Variants in COL21A1 observed in about 807,000 individuals in gnomAD.
The protein encoded by COL21A1 is collagen type XXI alpha 1 chain.
In COL21A1, 149 loss-of-function variants were observed where a neutral mutation model predicts 137.9. The observed-to-expected ratio is 1.08, with a 90% CI of 0.95 to 1.24. COL21A1 has a LOEUF of 1.24. Ranked by LOEUF, COL21A1 falls within the 50% of genes most tolerant of loss-of-function variation. The probability of loss-of-function intolerance (pLI) is 0.00; values close to 1 mark genes in which losing one functional copy is unlikely to be tolerated. For synonymous variants in COL21A1, 456 were observed against 391.5 expected, an observed-to-expected ratio of 1.16 and a Z score of -1.95; for missense variants, 1,167 against 1,158.4, an observed-to-expected ratio of 1.01 and a Z score of -0.11.
intron 1 of COL21A1, among the ~76,000 whole-genome samples, chr6:56,322,460 A>G (rs1764891988): frequency 6.6e-6 from 1 of 152,132 alleles, no homozygotes; most frequent in Admixed American, 6.6e-5. Context: ...TTTCCAGGAG[A>G]TTGTCAAATC....
rs548209532 is a variant in COL21A1, at chr6:56,083,559, A to G, written c.1813-5986T>C. 5.3e-5 allele frequency among the ~76,000 whole-genome samples: 8 copies of G among 152,128 alleles called. 1 individual carries two copies. The East Asian group carries it at 1.5e-3, about 29-fold the overall frequency. On this transcript the variant is annotated intron_variant, in intron 17 of 29. Coordinates refer to ENST00000244728, the MANE Select transcript of COL21A1 (RefSeq NM_030820.4). ...TGGAAAGTACCAGGTTCCAGGGATT[A>G]AATTATGGCTATCTTTGGGGAGAGG...
chr6:56,334,142 T>C (rs540740625), intron 1 of COL21A1, among the ~76,000 whole-genome samples: 1 of 152,192 alleles, frequency 6.6e-6, no homozygotes, highest in East Asian at 1.9e-4. Context: ...TCAACAGAAT[T>C]TGGGTCCTTT....
chr6:56,072,234 C>A (rs1410030587), intron 20 of COL21A1, among the ~76,000 whole-genome samples: 1 of 151,366 alleles, frequency 6.6e-6, no homozygotes, highest in East Asian at 1.9e-4. Flanking sequence ...CATTCCATGT[C>A]TTTTCTATTG....
intron 1 of COL21A1, among the ~76,000 whole-genome samples, chr6:56,277,756 A>T (rs1039345659): frequency 6.6e-6 from 1 of 152,212 alleles, no homozygotes; most frequent in Non-Finnish European, 1.5e-5. Flanking sequence ...GCAAATACTA[A>T]ATAAATTACA....
chr6:56,098,582 T>A (rs1237874784), intron 17 of COL21A1, among the ~76,000 whole-genome samples: 1 of 45,270 alleles, frequency 2.2e-5, no homozygotes, highest in Non-Finnish European at 3.5e-5. Context: ...TATAAATATA[T>A]ATAAATATAT....
At chr6:56,372,438 T>A (rs1466736767) in intron 1 of COL21A1, among the ~76,000 whole-genome samples, 2 of 152,194 alleles carry the variant, frequency 1.3e-5, no homozygotes, top group Non-Finnish European at 2.9e-5. Context: ...CTTGTCCATG[T>A]GTCAACGCAT....
intron 7 of COL21A1, among the ~76,000 whole-genome samples, chr6:56,166,113 T>A (rs1310493104): frequency 6.6e-6 from 1 of 152,008 alleles, no homozygotes; most frequent in Non-Finnish European, 1.5e-5. Flanking sequence ...ACTGACACTT[T>A]GAGAAAAAGT....
At chr6:56,193,977 T>C (rs1778864744) in intron 1 of COL21A1, among the ~76,000 whole-genome samples, 1 of 152,108 alleles carries the variant, frequency 6.6e-6, no homozygotes, top group African/African-American at 2.4e-5. Context: ...ATGGTCTTGA[T>C]TTCTTGATCT....
At chr6:56,206,686 A>G (rs1196404932) in intron 1 of COL21A1, among the ~76,000 whole-genome samples, 1 of 23,646 alleles carries the variant, frequency 4.2e-5, no homozygotes, top group Non-Finnish European at 8.5e-5. Context: ...AACAAAATAA[A>G]TAAATAAATA....
At chr6:56,117,786 G>A (rs1355431088) in intron 16 of COL21A1, among the ~76,000 whole-genome samples, 2 of 151,770 alleles carry the variant, frequency 1.3e-5, no homozygotes, top group African/African-American at 4.8e-5. Flanking sequence ...AGGTATTTTG[G>A]AAACTATACA....
chr6:56,318,393 T>C (rs1367299870), intron 1 of COL21A1, among the ~76,000 whole-genome samples: 1 of 152,122 alleles, frequency 6.6e-6, no homozygotes, highest in Non-Finnish European at 1.5e-5. Flanking sequence ...CAATTGGACT[T>C]CCTAGTGCAC....
intron 1 of COL21A1, among the ~76,000 whole-genome samples, chr6:56,228,288 T>C (rs1582689573): frequency 6.6e-6 from 1 of 151,718 alleles, no homozygotes; most frequent in Non-Finnish European, 1.5e-5. Context: ...ATGGCAGCAG[T>C]CAAATGAGAG....
intron 17 of COL21A1, among the ~76,000 whole-genome samples, chr6:56,080,370 T>G (rs998210503): frequency 2.6e-5 from 4 of 151,682 alleles, no homozygotes; most frequent in African/African-American, 7.3e-5. Context: ...AATGTTGTGG[T>G]TAAAGAATGT....
intron 16 of COL21A1, among the ~76,000 whole-genome samples, chr6:56,122,970 C>G (rs1384674817): frequency 6.6e-6 from 1 of 152,332 alleles, no homozygotes; most frequent in Admixed American, 6.5e-5. Context: ...TCTCTAAGCT[C>G]TCCTGCCTCC....
intron 1 of COL21A1, among the ~76,000 whole-genome samples, chr6:56,218,008 C>A (rs1236819017): frequency 1.3e-5 from 2 of 152,110 alleles, no homozygotes; most frequent in East Asian, 3.9e-4. Flanking sequence ...TCAAGAGCTT[C>A]ACATATTATG....
At chr6:56,335,576 C>T (rs1447252014) in intron 1 of COL21A1, among the ~76,000 whole-genome samples, 1 of 152,184 alleles carries the variant, frequency 6.6e-6, no homozygotes, top group African/African-American at 2.4e-5. Flanking sequence ...TTCTAGTTAG[C>T]CTTCTTACAG....
intron 1 of COL21A1, among the ~76,000 whole-genome samples, chr6:56,350,254 G>A (rs1765682211): frequency 6.6e-6 from 1 of 152,122 alleles, no homozygotes; most frequent in Admixed American, 6.5e-5. Context: ...AACTTAGCAG[G>A]GTCAAGACTG....
At chr6:56,220,410 A>G (rs185456272) in intron 1 of COL21A1, among the ~76,000 whole-genome samples, 4 of 152,318 alleles carry the variant, frequency 2.6e-5, no homozygotes, top group Admixed American at 2.0e-4. Flanking sequence ...ATTAAAACAC[A>G]AAGGAAGTTT....
chr6:56,317,771 C>T (rs1197705454), intron 1 of COL21A1, among the ~76,000 whole-genome samples: 4 of 152,106 alleles, frequency 2.6e-5, no homozygotes, highest in Non-Finnish European at 4.4e-5. Context: ...AGTAGATATG[C>T]GACCATTCAT....
Sources: allele counts gnomAD v4.1 joint callset (sites outside exome capture counted in the v4.1 genomes callset), GRCh38; gene constraint gnomAD v4.1.1; transcripts MANE v1.5; gene names NCBI Gene and HGNC (gene_info 2026-07-23, HGNC 2026-07-21).